Variants in KDM4C observed in about 807,000 individuals in gnomAD.
KDM4C encodes lysine demethylase 4C.
KDM4C carries 81 observed loss-of-function variants against 129.3 expected under a neutral mutation model. The ratio of observed to expected loss-of-function variants is 0.63; its 90% CI spans 0.52 to 0.75. The LOEUF is 0.75. Ranked by LOEUF, KDM4C falls within the 30% of genes least tolerant of loss-of-function variation. KDM4C has a pLI of 0.00. For missense variants in KDM4C, 1,457 were observed against 1,304.0 expected, an observed-to-expected ratio of 1.12 and a Z score of -1.81; for synonymous variants, 573 against 456.1, an observed-to-expected ratio of 1.26 and a Z score of -3.26.
intron 17 of KDM4C, among the ~76,000 whole-genome samples, chr9:7,050,823 A>G (rs1036847984): frequency 5.9e-5 from 9 of 152,312 alleles, no homozygotes; most frequent in African/African-American, 1.9e-4. Context: ...AACAGCAGGG[A>G]AGGGCAGCAG....
At chr9:7,060,120 G>C (rs1831411668) in intron 17 of KDM4C, among the ~76,000 whole-genome samples, 1 of 151,524 alleles carries the variant, frequency 6.6e-6, no homozygotes, top group African/African-American at 2.4e-5. Context: ...ATGATATCCT[G>C]TAACTTATCA....
intron 1 of KDM4C, among the ~76,000 whole-genome samples, chr9:6,723,247 C>T (rs1199468284): frequency 2.0e-5 from 3 of 151,766 alleles, no homozygotes; most frequent in African/African-American, 7.3e-5. Context: ...TGGTGGTGGG[C>T]GACTGTAATC....
chr9:6,952,415 A>G lies in KDM4C; in HGVS notation c.922-28510A>G, dbSNP rs867216466. Among the ~76,000 whole-genome samples, 728 of 147,494 alleles carry G rather than the reference A, an allele frequency of 4.9e-3. 3 individuals carry two copies. Among genetic ancestry groups the G allele is most frequent in the African/African-American group, 0.016 (652 of 40,456 alleles). On this transcript the variant is annotated intron_variant, in intron 8 of 21. Transcript: ENST00000381309. ...TTGTTCACAGTGTGTATGTGTGTAT[A>G]TATATATATATATATAATAATAATT...
chr9:7,169,531 A>G (rs1204477884), intron 20 of KDM4C, among the ~76,000 whole-genome samples: 1 of 151,910 alleles, frequency 6.6e-6, no homozygotes, highest in Non-Finnish European at 1.5e-5. Context: ...ACAGGGTTTC[A>G]CCATGTTGGC....
At chr9:6,929,228 A>G (rs949876200) in intron 8 of KDM4C, among the ~76,000 whole-genome samples, 2 of 152,164 alleles carry the variant, frequency 1.3e-5, no homozygotes, top group African/African-American at 2.4e-5. Flanking sequence ...AATATCTGTT[A>G]TAGGTCATTG....
intron 15 of KDM4C, among the ~76,000 whole-genome samples, chr9:7,018,415 C>A (rs1052653885): frequency 6.6e-6 from 1 of 152,224 alleles, no homozygotes; most frequent in Admixed American, 6.5e-5. Flanking sequence ...ATATTTAACA[C>A]AGCCAGGAAG....
intron 8 of KDM4C, among the ~76,000 whole-genome samples, chr9:6,973,105 G>C (rs1832288558): frequency 6.6e-6 from 1 of 152,184 alleles, no homozygotes; most frequent in Non-Finnish European, 1.5e-5. Context: ...TGTTTTTATG[G>C]AGAAGTTTGG....
intron 8 of KDM4C, among the ~76,000 whole-genome samples, chr9:6,967,365 A>T (rs138130221): frequency 1.3e-5 from 2 of 151,336 alleles, no homozygotes; most frequent in African/African-American, 4.9e-5. Flanking sequence ...CGGAGGTTGC[A>T]GTGAGCCAAG....
At chr9:7,025,928 G>A (rs572358642) in intron 15 of KDM4C, among the ~76,000 whole-genome samples, 1 of 152,132 alleles carries the variant, frequency 6.6e-6, no homozygotes, top group Non-Finnish European at 1.5e-5. Context: ...TCCCAGGCTG[G>A]ACACGGTGGC....
chr9:6,748,471 C>T (rs1817955656), intron 1 of KDM4C, among the ~76,000 whole-genome samples: 1 of 150,082 alleles, frequency 6.7e-6, no homozygotes. Flanking sequence ...TACGCCATTG[C>T]ACTCCAGCCT....
chr9:6,860,380 G>C (rs1452986729), intron 5 of KDM4C, among the ~76,000 whole-genome samples: 2 of 152,118 alleles, frequency 1.3e-5, no homozygotes, highest in African/African-American at 4.8e-5. Context: ...GGGAATAGTT[G>C]GTGATTTTTA....
chr9:6,939,580 T>C (rs542291846), intron 8 of KDM4C, among the ~76,000 whole-genome samples: 4 of 152,270 alleles, frequency 2.6e-5, no homozygotes, highest in African/African-American at 7.2e-5. Flanking sequence ...GGGATTATGA[T>C]TGGATGTAGA....
rs776912721 is a variant in KDM4C, at chr9:7,165,319, G to A, written c.2863G>A (p.Ala955Thr). 6.2e-7 allele frequency: 1 copy of A among 1,614,186 alleles called. No individual in the cohort carries two copies. Among genetic ancestry groups the A allele is most frequent in the Non-Finnish European group, 8.5e-7 (1 of 1,180,024 alleles). ...GTGGCCCGATGGCAAACTCTATGGA[G>A]CAAAATATTTTGGATCAAATATTGC... ...VKWPDGKLYG[A>T]KYFGSNIAHM... Residue 955 changes from alanine (A) to threonine (T), a missense_variant, in exon 20 of 22, where the codon GCA (alanine) becomes ACA (threonine). Coordinates refer to ENST00000381309, the MANE Select transcript of KDM4C (RefSeq NM_015061.6).
chr9:7,102,859 A>G (rs1001309602), intron 17 of KDM4C, among the ~76,000 whole-genome samples: 1 of 152,098 alleles, frequency 6.6e-6, no homozygotes, highest in East Asian at 1.9e-4. Context: ...TTCCACAACC[A>G]TTTTTTCCTA....
chr9:6,803,012 G>T (rs964673890), intron 2 of KDM4C, among the ~76,000 whole-genome samples: 1 of 152,206 alleles, frequency 6.6e-6, no homozygotes, highest in Non-Finnish European at 1.5e-5. Flanking sequence ...CAAAACTGGT[G>T]TATAGGTATG....
intron 17 of KDM4C, among the ~76,000 whole-genome samples, chr9:7,050,442 C>CAAAAA (rs71500910): frequency 8.9e-5 from 7 of 78,278 alleles, no homozygotes; most frequent in African/African-American, 3.0e-4. Flanking sequence ...CCCAGATTAC[C>CAAAAA]AAAAAAAAAA....
intron 4 of KDM4C, among the ~76,000 whole-genome samples, chr9:6,831,529 G>C (rs1226277935): frequency 9.9e-5 from 15 of 152,098 alleles, no homozygotes; most frequent in Non-Finnish European, 2.9e-5. Flanking sequence ...TTTTAGTAGA[G>C]ATGGGGTTTC....
At chr9:7,062,305 CT>C (rs1831810051) in intron 17 of KDM4C, among the ~76,000 whole-genome samples, 1 of 151,990 alleles carries the variant, frequency 6.6e-6, no homozygotes, top group South Asian at 2.1e-4. Flanking sequence ...TAGGATGCAG[CT>C]TTCTCAGTTT....
At chr9:6,845,445 C>A (rs1055442646) in intron 4 of KDM4C, among the ~76,000 whole-genome samples, 1 of 152,078 alleles carries the variant, frequency 6.6e-6, no homozygotes, top group Admixed American at 6.5e-5. Context: ...GAACTCCTGG[C>A]CTCAAGTGAT....
Sources: allele counts gnomAD v4.1 joint callset (sites outside exome capture counted in the v4.1 genomes callset), GRCh38; gene constraint gnomAD v4.1.1; transcripts MANE v1.5; gene names NCBI Gene and HGNC (gene_info 2026-07-23, HGNC 2026-07-21).